The following CRTAC1 variants were observed in gnomAD, a reference collection of about 807,000 sequenced individuals.
CRTAC1 encodes cartilage acidic protein 1, also known as acidic secreted protein in cartilage.
CRTAC1 carries 37 observed loss-of-function variants against 67.8 expected under a neutral mutation model. The observed-to-expected ratio is 0.55, with a 90% confidence interval of 0.42 to 0.72. CRTAC1 has a LOEUF of 0.72. CRTAC1 is among the 30% of genes least tolerant of loss of function. CRTAC1 has a pLI of 0.00. For synonymous variants in CRTAC1, 348 were observed against 371.0 expected, an observed-to-expected ratio of 0.94 and a Z score of 0.71; for missense variants, 780 against 931.6, an observed-to-expected ratio of 0.84 and a Z score of 2.12.
At chr10:97,969,377 C>A (rs1406434851) in intron 2 of CRTAC1, among the ~76,000 whole-genome samples, 1 of 152,150 alleles carries the variant, frequency 6.6e-6, no homozygotes, top group Non-Finnish European at 1.5e-5. Flanking sequence ...AAGAAGGAGC[C>A]AGCCTGTGGG....
At chr10:97,928,718 A>G (rs80122778) in intron 3 of CRTAC1, among the ~76,000 whole-genome samples, 10,436 of 152,174 alleles carry the variant, frequency 0.069, 431 homozygotes, top group African/African-American at 0.11. Flanking sequence ...CTGGGACTGG[A>G]AGGGTCAGAG....
chr10:97,876,803 G>A (rs1353256305), intron 14 of CRTAC1, among the ~76,000 whole-genome samples: 2 of 152,156 alleles, frequency 1.3e-5, no homozygotes, highest in African/African-American at 4.8e-5. Flanking sequence ...AGAAAGAGGG[G>A]AATGGGAATG....
Position 97,895,538 on chromosome 10 carries a change from G to T in CRTAC1, c.1318-125C>A. The T allele has an allele frequency of 1.2e-6, 1 of 843,428 alleles. No homozygotes were observed. Among genetic ancestry groups the T allele is most frequent in the Non-Finnish European group, 1.8e-6 (1 of 551,626 alleles). The allele number at this position is 843,428 out of a possible 1,614,324, so 52.2% of individuals were successfully genotyped here. A position where few individuals can be genotyped will look rare whatever the true frequency, so the allele number is the denominator to read the frequency against. The stretch of plus-strand genomic sequence containing the variant: ...GAGGAAGAGAAGAAAGCAGGCAGAG[G>T]AAAAAGATAGAAACAGGAAGCCAAA... On this transcript the variant is annotated intron_variant, in intron 10 of 14. Coordinates refer to ENST00000370597, the MANE Select transcript of CRTAC1 (RefSeq NM_018058.7). This position sits in a 1 kb window ranked among gnomAD's most constrained non-coding sequence, Gnocchi z 4.2.
intron 14 of CRTAC1, among the ~76,000 whole-genome samples, chr10:97,877,745 C>T (rs1336156753): frequency 6.6e-6 from 1 of 152,206 alleles, no homozygotes; most frequent in Admixed American, 6.5e-5. Flanking sequence ...ACTCACTGGA[C>T]CCCACTCACC....
intron 2 of CRTAC1, among the ~76,000 whole-genome samples, chr10:97,940,459 T>C (rs1163960510): frequency 2.0e-5 from 3 of 152,260 alleles, no homozygotes; most frequent in Non-Finnish European, 4.4e-5. Context: ...GTCCCATGTT[T>C]TGAAGCAGCT....
chr10:97,901,399 T>C, intron 8 of CRTAC1, 104 bp downstream of exon 8: 3 of 1,429,038 alleles, frequency 2.1e-6, no homozygotes, highest in Non-Finnish European at 2.9e-6. Context: ...CCTGACCCCC[T>C]GGCCCTGGGA....
In CRTAC1 at chr10:97,956,949, G is replaced by A. The variant is rs966527; in HGVS notation, c.225-20583C>T. Among the ~76,000 whole-genome samples, 394 of 151,484 alleles carry A rather than the reference G, an allele frequency of 2.6e-3. 2 individuals carry two copies. Among genetic ancestry groups the A allele is most frequent in the African/African-American group, 8.7e-3 (358 of 41,244 alleles). On this transcript the variant is annotated intron_variant, in intron 2 of 14. Coordinates refer to ENST00000370597, the MANE Select transcript of CRTAC1 (RefSeq NM_018058.7). ...AGCCTCCCAGGTGTTTGGGACTTCA[G>A]TCACATGCCACCACACCTGGCTAAT...
In CRTAC1 at chr10:97,896,914, C is replaced by A; in HGVS notation, c.1211G>T (p.Gly404Val). The A allele has an allele frequency of 6.8e-7, 1 of 1,470,022 alleles. No homozygotes were observed. Among genetic ancestry groups the A allele is most frequent in the African/African-American group, 1.4e-5 (1 of 70,544 alleles). 91.1% of individuals were successfully genotyped at this position (1,470,022 alleles called of 1,614,324 possible). Residue 404 changes from glycine (G) to valine (V), a missense_variant, in exon 9 of 15, where the codon GGC (glycine) becomes GTC (valine). Gly to Val is a moderately radical substitution (Grantham distance 109). Transcript: ENST00000370597. ...PGDALEPEGR[G>V]TGGVVTDFDG... Reference sequence around the variant, plus strand: ...ATCCCCCAGGTGCCCCTCACCTGTGCCCCGGCCCTCAGGCTCCAAGGCGTC... The same window carrying A: ...ATCCCCCAGGTGCCCCTCACCTGTGACCCGGCCCTCAGGCTCCAAGGCGTC...
intron 6 of CRTAC1, 23 bp from the exon 7 acceptor site, chr10:97,904,837 C>T: frequency 6.3e-7 from 1 of 1,584,366 alleles, no homozygotes; most frequent in Non-Finnish European, 8.6e-7. Context: ...GGCAGGAACT[C>T]TCAGGGCGGC....
At chr10:97,887,570 C>T (rs1263947928) in intron 11 of CRTAC1, among the ~76,000 whole-genome samples, 1 of 152,218 alleles carries the variant, frequency 6.6e-6, no homozygotes, top group African/African-American at 2.4e-5. Context: ...ACTGCTTCCG[C>T]AGCTTCCTCC....
chr10:97,923,468 T>G, intron 3 of CRTAC1, 68 bp from the exon 4 acceptor site: 1 of 1,595,010 alleles, frequency 6.3e-7, no homozygotes, highest in East Asian at 2.2e-5. Context: ...TCTCTGGGTA[T>G]GTCTCATGGC....
intron 11 of CRTAC1, among the ~76,000 whole-genome samples, chr10:97,886,224 T>C (rs1357510123): frequency 1.3e-5 from 2 of 152,186 alleles, no homozygotes; most frequent in Non-Finnish European, 2.9e-5. Context: ...TCCCCCAGCT[T>C]CTAGATCCTT....
At chr10:97,899,253 C>T (rs1262714312) in intron 8 of CRTAC1, among the ~76,000 whole-genome samples, 1 of 152,232 alleles carries the variant, frequency 6.6e-6, no homozygotes, top group Non-Finnish European at 1.5e-5. Flanking sequence ...GGCACAGCCA[C>T]GTACCTGGGA....
intron 8 of CRTAC1, among the ~76,000 whole-genome samples, chr10:97,900,519 TTTCC>T (rs2050519979): frequency 7.1e-6 from 1 of 141,652 alleles, no homozygotes; most frequent in East Asian, 2.1e-4. Flanking sequence ...CGTAGCCCCT[TTTCC>T]TGGTAGTGAT....
intron 5 of CRTAC1, among the ~76,000 whole-genome samples, chr10:97,914,250 G>A (rs1045415072): frequency 6.6e-6 from 1 of 152,152 alleles, no homozygotes; most frequent in African/African-American, 2.4e-5. Context: ...TGTTTCCCAG[G>A]CAGGGGCTGG....
chr10:98,025,838 G>A (rs1843221572), intron 1 of CRTAC1, among the ~76,000 whole-genome samples: 1 of 152,208 alleles, frequency 6.6e-6, no homozygotes, highest in Admixed American at 6.5e-5. Context: ...GGAATCAATA[G>A]CTCAGGGCCC....
chr10:97,973,370 C>T (rs1390468404), intron 2 of CRTAC1, among the ~76,000 whole-genome samples: 1 of 152,080 alleles, frequency 6.6e-6, no homozygotes, highest in Admixed American at 6.6e-5. Context: ...TGCTCTTTTT[C>T]GTGCCTGAAA....
chr10:97,959,358 T>C (rs751294948), intron 2 of CRTAC1, among the ~76,000 whole-genome samples: 7 of 152,198 alleles, frequency 4.6e-5, no homozygotes, highest in Non-Finnish European at 8.8e-5. Context: ...CAGCAACAAC[T>C]TAAGCACAAC....
chr10:97,928,767 C>T (rs1442501815), intron 3 of CRTAC1, among the ~76,000 whole-genome samples: 5 of 151,708 alleles, frequency 3.3e-5, no homozygotes, highest in South Asian at 2.1e-4. Context: ...GGCAGGATGG[C>T]GAGAAAAAGG....
Sources: allele counts gnomAD v4.1 joint callset (sites outside exome capture counted in the v4.1 genomes callset), GRCh38; gene constraint gnomAD v4.1.1; non-coding constraint Gnocchi (gnomAD v3.1); transcripts MANE v1.5; gene names NCBI Gene and HGNC (gene_info 2026-07-23, HGNC 2026-07-21).